The following NCKAP5 variants were observed in gnomAD, a reference collection of about 807,000 sequenced individuals.
NCKAP5 encodes the protein NCK associated protein 5.
In NCKAP5, 92 loss-of-function variants were observed where a neutral mutation model predicts 167.0. The observed-to-expected ratio is 0.55, with a 90% CI of 0.47 to 0.66. The LOEUF (loss-of-function observed/expected upper bound fraction) is 0.66, where lower values mean the gene tolerates loss of function less well. Ranked by LOEUF, NCKAP5 falls within the 30% of genes least tolerant of loss-of-function variation. The pLI is 0.00. For synonymous variants in NCKAP5, 891 were observed against 877.4 expected (o/e 1.02, Z -0.27); for missense variants, 2,378 against 2,315.0 (o/e 1.03, Z -0.56).
chr2:133,273,183 CTAA>C (rs2089590245), intron 4 of NCKAP5, among the ~76,000 whole-genome samples: 1 of 152,162 alleles, frequency 6.6e-6, no homozygotes. Flanking sequence ...TCTCAGCGTT[CTAA>C]TGTCTCCACA....
intron 2 of NCKAP5, among the ~76,000 whole-genome samples, chr2:133,523,100 T>C (rs1291824997): frequency 2.9e-5 from 4 of 136,108 alleles, no homozygotes; most frequent in Admixed American, 1.5e-4. Context: ...TTGGCCTTAA[T>C]AACTCTTTTT....
intron 11 of NCKAP5, among the ~76,000 whole-genome samples, chr2:132,856,408 C>T (rs1300327752): frequency 6.6e-6 from 1 of 152,018 alleles, no homozygotes; most frequent in African/African-American, 2.4e-5. Context: ...AAAACACTAG[C>T]AAAAACAAAA....
intron 3 of NCKAP5, among the ~76,000 whole-genome samples, chr2:133,416,818 G>T (rs2151077931): frequency 6.6e-6 from 1 of 152,262 alleles, no homozygotes; most frequent in East Asian, 1.9e-4. Context: ...TGGACCAAAT[G>T]AGTTTATCCT....
chr2:133,523,773 C>G lies in NCKAP5; in HGVS notation c.-61-6186G>C, dbSNP rs145381704. On this transcript the variant is annotated intron_variant, in intron 2 of 19. Transcript: ENST00000409261. The stretch of plus-strand genomic sequence containing the variant: ...ATATTCCCTGCAGCATCCAACGCAC[C>G]AGCTCCCACACGGTAGGCATGCAAA... Among the ~76,000 whole-genome samples, 19 of 152,218 alleles carry G rather than the reference C, an allele frequency of 1.2e-4. No homozygotes were observed. In the East Asian group the frequency reaches 1.4e-3, roughly 11 times the overall value.
At chr2:133,260,090 T>C (rs1409659023) in intron 4 of NCKAP5, among the ~76,000 whole-genome samples, 1 of 152,220 alleles carries the variant, frequency 6.6e-6, no homozygotes, top group Admixed American at 6.5e-5. Context: ...ATCTAAAAGC[T>C]GTCAAAAGCC....
rs528133170 is a variant in NCKAP5, at chr2:132,744,643, A to C, written c.5129-12592T>G. Among the ~76,000 whole-genome samples the C allele has an allele frequency of 5.9e-5, 9 of 151,660 alleles. No homozygotes were observed. In the East Asian group the frequency reaches 1.7e-3, roughly 29 times the overall value. On this transcript the variant is annotated intron_variant, in intron 16 of 19. Transcript: ENST00000409261. Reference sequence around the variant, plus strand: ...GCTGAAATTAAGAAAATTAAAAAAAAAAACAATTTAAAAATCAATGAAACA... The same window carrying C: ...GCTGAAATTAAGAAAATTAAAAAAACAAACAATTTAAAAATCAATGAAACA...
chr2:132,969,083 G>T (rs1386526612), intron 7 of NCKAP5, among the ~76,000 whole-genome samples: 1 of 152,118 alleles, frequency 6.6e-6, no homozygotes, highest in Admixed American at 6.5e-5. Flanking sequence ...TGTTGCCCAG[G>T]CTGGGGTGCA....
At chr2:133,513,011 C>T (rs1683630564) in intron 3 of NCKAP5, among the ~76,000 whole-genome samples, 1 of 152,192 alleles carries the variant, frequency 6.6e-6, no homozygotes, top group African/African-American at 2.4e-5. Flanking sequence ...CCTAGATAAA[C>T]TAGAAGCACT....
At chr2:132,858,759 T>G (rs1689658577) in intron 11 of NCKAP5, among the ~76,000 whole-genome samples, 1 of 152,216 alleles carries the variant, frequency 6.6e-6, no homozygotes, top group African/African-American at 2.4e-5. Flanking sequence ...TAAACACTGA[T>G]GTCTATTGTT....
chr2:133,605,490 G>A, the NCKAP5 span, among the ~76,000 whole-genome samples: 1 of 152,148 alleles, frequency 6.6e-6, no homozygotes, highest in Non-Finnish European at 1.5e-5. Context: ...GTGGGGGGAA[G>A]GGACACAGAG....
intron 8 of NCKAP5, among the ~76,000 whole-genome samples, chr2:132,952,091 A>G (rs1246703447): frequency 1.3e-5 from 2 of 152,200 alleles, no homozygotes; most frequent in East Asian, 1.9e-4. Context: ...GCCAGCTTTC[A>G]GTTTCTGACA....
chr2:133,144,228 G>A (rs1489797134), intron 5 of NCKAP5, among the ~76,000 whole-genome samples: 1 of 152,104 alleles, frequency 6.6e-6, no homozygotes, highest in Non-Finnish European at 1.5e-5. Flanking sequence ...TAGGCTTGAT[G>A]TGCCACACAG....
intron 3 of NCKAP5, among the ~76,000 whole-genome samples, chr2:133,351,299 A>C (rs1684342807): frequency 6.6e-6 from 1 of 152,198 alleles, no homozygotes; most frequent in Non-Finnish European, 1.5e-5. Context: ...TTAATGATTT[A>C]AAAACCAAGC....
rs535193251 is a variant in NCKAP5, at chr2:132,850,165, T to G, written c.807+10327A>C. On this transcript the variant is annotated intron_variant, in intron 11 of 19. Transcript: ENST00000409261. ...TCATGTTACTAGGTTATTAGATCCA[T>G]GTCCTTATTCAGGGAAATATCTATT... Among the ~76,000 whole-genome samples, 3 of 152,312 alleles carry G rather than the reference T, an allele frequency of 2.0e-5. No individual in the cohort carries two copies. In the South Asian group the frequency reaches 6.2e-4, roughly 32 times the overall value.
chr2:133,201,835 C>T (rs2085705604), intron 5 of NCKAP5, among the ~76,000 whole-genome samples: 1 of 151,930 alleles, frequency 6.6e-6, no homozygotes, highest in Admixed American at 6.6e-5. Flanking sequence ...AGATTCTGCG[C>T]TTAAGAAAGT....
At chr2:133,259,176 C>G (rs1481930512) in intron 4 of NCKAP5, among the ~76,000 whole-genome samples, 1 of 152,112 alleles carries the variant, frequency 6.6e-6, no homozygotes, top group Non-Finnish European at 1.5e-5. Context: ...TCTCCTTCCC[C>G]CAGCTGGCCT....
intron 3 of NCKAP5, among the ~76,000 whole-genome samples, chr2:133,471,669 C>T (rs537483716): frequency 4.6e-5 from 7 of 152,178 alleles, no homozygotes; most frequent in African/African-American, 1.7e-4. Flanking sequence ...ACACAGTTAA[C>T]ATGGCTTCCT....
intron 6 of NCKAP5, among the ~76,000 whole-genome samples, chr2:133,095,769 G>A (rs996258244): frequency 2.0e-5 from 3 of 152,182 alleles, no homozygotes; most frequent in East Asian, 1.9e-4. Flanking sequence ...GATAAATTAC[G>A]ACTATCCCAA....
intron 3 of NCKAP5, among the ~76,000 whole-genome samples, chr2:133,353,150 G>A (rs1684480361): frequency 1.3e-5 from 2 of 152,148 alleles, no homozygotes; most frequent in South Asian, 2.1e-4. Flanking sequence ...AGTGAACTGC[G>A]AAGCAAAAAC....
Sources: allele counts gnomAD v4.1 joint callset (sites outside exome capture counted in the v4.1 genomes callset), GRCh38; gene constraint gnomAD v4.1.1; transcripts MANE v1.5; gene names NCBI Gene and HGNC (gene_info 2026-07-23, HGNC 2026-07-21).